ZNF532: variants seen among roughly 807,000 people sequenced by gnomAD.
The protein encoded by ZNF532 is zinc finger protein 532.
In ZNF532, 22 loss-of-function variants were observed where a neutral mutation model predicts 89.3. The observed-to-expected ratio is 0.25, with a 90% CI of 0.18 to 0.35. ZNF532 has a LOEUF of 0.35. Ranked by LOEUF, ZNF532 falls within the 10% of genes least tolerant of loss-of-function variation. ZNF532 has a pLI of 1.00. For synonymous variants in ZNF532, 606 were observed against 649.6 expected, an observed-to-expected ratio of 0.93 and a Z score of 1.02; for missense variants, 1,132 against 1,643.4, an observed-to-expected ratio of 0.69 and a Z score of 5.38.
chr18:58,947,644 C>T (rs2063778695), intron 5 of ZNF532, among the ~76,000 whole-genome samples: 1 of 151,570 alleles, frequency 6.6e-6, no homozygotes. Flanking sequence ...TTGAGTAGGC[C>T]TATTTAGTTT....
At chr18:58,903,236 G>A (rs2059714418) in intron 2 of ZNF532, among the ~76,000 whole-genome samples, 2 of 152,112 alleles carry the variant, frequency 1.3e-5, no homozygotes, top group African/African-American at 4.8e-5. Context: ...AGTGTGTGTT[G>A]GGGGAGGCAT....
chr18:58,884,128 C>T (rs1286648313), intron 2 of ZNF532, among the ~76,000 whole-genome samples: 3 of 152,226 alleles, frequency 2.0e-5, no homozygotes, highest in Admixed American at 1.3e-4. Context: ...CCTGTAATCC[C>T]AGCACTTTGG....
rs559093678 is a variant in ZNF532, at chr18:58,893,049, T to A, written c.-17-25222T>A. ...CAGGCTGGAGTGCAATGGCGCGATT[T>A]CAGCTCACTGCAGCCTCACCCTCCC... On this transcript the variant is annotated intron_variant, in intron 2 of 9. Transcript: ENST00000591808. 3.3e-5 allele frequency among the ~76,000 whole-genome samples: 5 copies of A among 151,806 alleles called. No homozygotes were observed. The East Asian group carries it at 9.7e-4, about 29-fold the overall frequency.
intron 9 of ZNF532, 147 bp from the exon 10 acceptor site, chr18:58,983,825 G>C: frequency 2.2e-6 from 2 of 918,518 alleles, no homozygotes; most frequent in Non-Finnish European, 3.3e-6. Flanking sequence ...CCTCCGGGTG[G>C]GGTGGCAGAC....
intron 2 of ZNF532, among the ~76,000 whole-genome samples, chr18:58,888,827 ATT>A (rs2058611055): frequency 1.7e-4 from 3 of 17,170 alleles, no homozygotes; most frequent in East Asian, 3.4e-3. Flanking sequence ...ATATATATAA[ATT>A]ATATATATAA....
At chr18:58,866,887 AC>A (rs1472126313) in intron 2 of ZNF532, among the ~76,000 whole-genome samples, 2 of 152,258 alleles carry the variant, frequency 1.3e-5, no homozygotes, top group South Asian at 2.1e-4. Context: ...GGACGGATAT[AC>A]CAGTAAATAG....
At chr18:58,945,038 C>T (rs2063532269) in intron 5 of ZNF532, among the ~76,000 whole-genome samples, 2 of 152,228 alleles carry the variant, frequency 1.3e-5, no homozygotes, top group African/African-American at 4.8e-5. Context: ...TCATTGACTT[C>T]ATCCAGATTC....
At chr18:58,902,791 C>T (rs1313469081) in intron 2 of ZNF532, among the ~76,000 whole-genome samples, 1 of 152,024 alleles carries the variant, frequency 6.6e-6, no homozygotes, top group Non-Finnish European at 1.5e-5. Flanking sequence ...CACACCTGGC[C>T]CCAGGTGATC....
At chr18:58,913,618 A>T in intron 2 of ZNF532, among the ~76,000 whole-genome samples, 1 of 151,618 alleles carries the variant, frequency 6.6e-6, no homozygotes, top group East Asian at 1.9e-4. Context: ...ATATATATAT[A>T]AAAGAATTAT....
chr18:58,881,781 C>G (rs1183413921), intron 2 of ZNF532, among the ~76,000 whole-genome samples: 1 of 152,208 alleles, frequency 6.6e-6, no homozygotes, highest in Non-Finnish European at 1.5e-5. Context: ...TGAGGCATTT[C>G]TTGCTTCAGG....
intron 2 of ZNF532, among the ~76,000 whole-genome samples, chr18:58,867,675 C>T (rs147122810): frequency 7.6e-4 from 116 of 152,338 alleles, no homozygotes; most frequent in African/African-American, 2.7e-3. Context: ...TAAAGACGAC[C>T]TGCGGTCCAT....
intron 6 of ZNF532, 123 bp from the exon 7 acceptor site, chr18:58,953,391 ATATT>A: frequency 2.6e-6 from 2 of 781,324 alleles, no homozygotes; most frequent in Non-Finnish European, 4.0e-6. Context: ...TTTTCTTTAT[ATATT>A]AAATATTTCT....
intron 7 of ZNF532, among the ~76,000 whole-genome samples, chr18:58,966,952 G>T (rs371517895): frequency 3.3e-5 from 5 of 152,178 alleles, no homozygotes; most frequent in African/African-American, 1.2e-4. Context: ...ATTAACTCTT[G>T]TTATTGTTAT....
intron 2 of ZNF532, among the ~76,000 whole-genome samples, chr18:58,906,852 T>G (rs2059963904): frequency 6.6e-6 from 1 of 152,244 alleles, no homozygotes; most frequent in Admixed American, 6.5e-5. Flanking sequence ...TGAATTTGGA[T>G]TGATAGTGTT....
At chr18:58,932,207 AAGTGGGTG>A (rs1171155685) in intron 3 of ZNF532, among the ~76,000 whole-genome samples, 1 of 152,146 alleles carries the variant, frequency 6.6e-6, no homozygotes, top group African/African-American at 2.4e-5. Flanking sequence ...TCTGTATCGA[AAGTGGGTG>A]AGGAGCCTCA....
intron 7 of ZNF532, among the ~76,000 whole-genome samples, chr18:58,954,581 T>C (rs2064557191): frequency 6.6e-6 from 1 of 152,102 alleles, no homozygotes; most frequent in Non-Finnish European, 1.5e-5. Context: ...TTTTAATGTA[T>C]GGTTGATTTC....
chr18:58,888,754 T>A (rs1204644271), intron 2 of ZNF532, among the ~76,000 whole-genome samples: 4 of 44,180 alleles, frequency 9.1e-5, no homozygotes, highest in East Asian at 9.7e-4. Flanking sequence ...TATATATATA[T>A]AAAATTAATA....
chr18:58,895,268 A>G (rs1294901812), intron 2 of ZNF532, among the ~76,000 whole-genome samples: 1 of 152,230 alleles, frequency 6.6e-6, no homozygotes, highest in Non-Finnish European at 1.5e-5. Flanking sequence ...CTGCAAAGGA[A>G]CAGACGCATG....
Position 58,948,049 on chromosome 18 carries a change from T to C in ZNF532, c.2706-18T>C, listed in dbSNP as rs746459142. The C allele has an allele frequency of 5.6e-6, 9 of 1,600,848 alleles. No individual in the cohort carries two copies. Among genetic ancestry groups the C allele is most frequent in the South Asian group, 2.3e-5 (2 of 88,366 alleles). On this transcript the variant is annotated intron_variant, in intron 5 of 9. Transcript: ENST00000591808. ...AAGAGGCTGACTGACATGATCTCGC[T>C]GCACTCTTCTATTTTAGAATAATAT...
Sources: allele counts gnomAD v4.1 joint callset (sites outside exome capture counted in the v4.1 genomes callset), GRCh38; gene constraint gnomAD v4.1.1; transcripts MANE v1.5; gene names NCBI Gene and HGNC (gene_info 2026-07-23, HGNC 2026-07-21).